NAV3: variants seen among roughly 807,000 people sequenced by gnomAD.
NAV3 encodes the protein neuron navigator 3.
In NAV3, 87 loss-of-function variants were observed where a neutral mutation model predicts 244.7. That is an observed-to-expected ratio of 0.36 (90% CI 0.30 to 0.42). NAV3 has a LOEUF of 0.42. Ranked by LOEUF, NAV3 falls within the 20% of genes least tolerant of loss-of-function variation. The pLI, the probability that NAV3 is intolerant of heterozygous loss-of-function variation, is 1.00. For synonymous variants in NAV3, 1,126 were observed against 1,042.2 expected, an observed-to-expected ratio of 1.08 and a Z score of -1.55; for missense variants, 2,663 against 2,893.3, an observed-to-expected ratio of 0.92 and a Z score of 1.83.
chr12:78,189,903 C>T, intron 33 of NAV3, 81 bp from the exon 34 acceptor site: 2 of 998,252 alleles, frequency 2.0e-6, no homozygotes, highest in South Asian at 1.5e-5. Flanking sequence ...ACTAACAATG[C>T]TGTTGCTGTT....
chr12:77,643,378 G>A (rs1400661929), intron 2 of NAV3, among the ~76,000 whole-genome samples: 2 of 151,682 alleles, frequency 1.3e-5, no homozygotes, highest in Non-Finnish European at 2.9e-5. Context: ...TCAATGTGGA[G>A]CAGGACATAT....
chr12:78,174,115 G>T (rs929455572), intron 24 of NAV3, among the ~76,000 whole-genome samples: 3 of 151,636 alleles, frequency 2.0e-5, no homozygotes, highest in African/African-American at 7.2e-5. Flanking sequence ...CTGCCTTGAT[G>T]CCAATAAGTA....
At chr12:78,171,807 A>C (rs1352163254) in intron 24 of NAV3, among the ~76,000 whole-genome samples, 3 of 151,580 alleles carry the variant, frequency 2.0e-5, no homozygotes, top group Non-Finnish European at 3.0e-5. Context: ...TATATTTTTA[A>C]CATATGATCT....
chr12:77,712,868 A>T (rs1188153826), intron 2 of NAV3, among the ~76,000 whole-genome samples: 4 of 152,200 alleles, frequency 2.6e-5, no homozygotes, highest in African/African-American at 9.7e-5. Context: ...ACTTAAGATT[A>T]CATATGCTCA....
At chr12:77,940,942 T>C in intron 2 of NAV3, 139 bp from the exon 3 acceptor site, 1 of 605,202 alleles carries the variant, frequency 1.7e-6, no homozygotes. Flanking sequence ...TCTTGTACAC[T>C]GCTTGGAAGA....
At chr12:78,036,244 G>A (rs907382464) in intron 9 of NAV3, 2 of 152,290 alleles carry the variant, frequency 1.3e-5, no homozygotes, top group Admixed American at 6.5e-5. Context: ...CAGCAAGGAA[G>A]AGCCATAGAT....
chr12:77,961,378 T>C lies in NAV3; in HGVS notation c.415-4851T>C, dbSNP rs1891960718. ...CATATATGTAATATAATAAATATAT[T>C]AATATAAATACATTATATATTTAGT... On this transcript the variant is annotated intron_variant, in intron 3 of 39. Transcript: ENST00000397909. Among the ~76,000 whole-genome samples, 7 of 55,336 alleles carry C rather than the reference T, an allele frequency of 1.3e-4. No individual in the cohort carries two copies. In the South Asian group the frequency reaches 6.7e-3, roughly 53 times the overall value. 36.3% of individuals were successfully genotyped at this position (55,336 alleles called of 152,430 possible).
At chr12:77,994,264 T>C (rs1251450577) in intron 5 of NAV3, among the ~76,000 whole-genome samples, 1 of 152,246 alleles carries the variant, frequency 6.6e-6, no homozygotes, top group Admixed American at 6.5e-5. Flanking sequence ...GAAAACAATT[T>C]AGTACTAGAG....
At chr12:77,943,332 A>C (rs938848519) in intron 3 of NAV3, among the ~76,000 whole-genome samples, 2 of 152,290 alleles carry the variant, frequency 1.3e-5, no homozygotes, top group South Asian at 4.2e-4. Context: ...AAATGCTATA[A>C]AAAAGGTAGT....
At position 77,880,858 on chromosome 12, in the gene NAV3, C is replaced by G. The variant is rs578070573; in HGVS notation, c.243+49154C>G. Among the ~76,000 whole-genome samples, 9 of 152,238 alleles carry G rather than the reference C, an allele frequency of 5.9e-5. No homozygotes were observed. In the East Asian group the frequency reaches 1.7e-3, roughly 29 times the overall value. ...CCATCTAGATTTGTGTAACTACACT[C>G]TATGATGTTCACAAAATGATGAAAT... is the stretch of plus-strand genomic sequence containing the variant. On this transcript the variant is annotated intron_variant, in intron 1 of 39. Transcript: ENST00000397909.
intron 2 of NAV3, among the ~76,000 whole-genome samples, chr12:77,634,256 G>C (rs952505805): frequency 2.0e-5 from 3 of 151,874 alleles, no homozygotes; most frequent in African/African-American, 7.3e-5. Flanking sequence ...ACTTCTGATT[G>C]TACTTTCAGA....
chr12:78,032,181 C>T (rs570428107), intron 9 of NAV3, among the ~76,000 whole-genome samples: 1 of 152,230 alleles, frequency 6.6e-6, no homozygotes, highest in South Asian at 2.1e-4. Context: ...TTGCATGACC[C>T]ACAGGATGTA....
At chr12:78,006,106 A>G (rs1420978052) in intron 7 of NAV3, among the ~76,000 whole-genome samples, 2 of 152,168 alleles carry the variant, frequency 1.3e-5, no homozygotes, top group Non-Finnish European at 2.9e-5. Flanking sequence ...AATTGCTTAG[A>G]GGAGGGATAG....
At chr12:78,106,382 C>A (rs1160280433) in intron 12 of NAV3, among the ~76,000 whole-genome samples, 2 of 151,908 alleles carry the variant, frequency 1.3e-5, no homozygotes, top group African/African-American at 2.4e-5. Context: ...TCTCCTATAC[C>A]AGGAATTACA....
At chr12:77,592,140 G>A (rs923392435) in intron 2 of NAV3, among the ~76,000 whole-genome samples, 1 of 152,118 alleles carries the variant, frequency 6.6e-6, no homozygotes, top group South Asian at 2.1e-4. Context: ...CCAGATCAGA[G>A]AATTGAAGGC....
chr12:77,867,482 C>G (rs1044514246), intron 1 of NAV3, among the ~76,000 whole-genome samples: 9 of 152,160 alleles, frequency 5.9e-5, no homozygotes, highest in Admixed American at 3.3e-4. Flanking sequence ...TGCAGTGGCG[C>G]GATCTCAGCT....
chr12:77,640,252 GGAGA>G (rs752048073), intron 2 of NAV3, among the ~76,000 whole-genome samples: 6 of 151,382 alleles, frequency 4.0e-5, no homozygotes, highest in South Asian at 4.2e-4. Context: ...AGAGAGAGAG[GGAGA>G]GAGAGAGTGT....
intron 2 of NAV3, among the ~76,000 whole-genome samples, chr12:77,664,375 G>C (rs1441963550): frequency 6.6e-6 from 1 of 152,142 alleles, no homozygotes; most frequent in Non-Finnish European, 1.5e-5. Context: ...TTATTTCCTG[G>C]AAGAGTTGGC....
intron 2 of NAV3, among the ~76,000 whole-genome samples, chr12:77,612,790 A>G (rs1396866753): frequency 6.6e-6 from 1 of 152,122 alleles, no homozygotes; most frequent in Non-Finnish European, 1.5e-5. Flanking sequence ...CCCAAATCTC[A>G]TCTTGAATTG....
Sources: allele counts gnomAD v4.1 joint callset (sites outside exome capture counted in the v4.1 genomes callset), GRCh38; gene constraint gnomAD v4.1.1; transcripts MANE v1.5; gene names NCBI Gene and HGNC (gene_info 2026-07-23, HGNC 2026-07-21).